The following PGAM5 variants were observed in gnomAD, a reference collection of about 807,000 sequenced individuals.
PGAM5 encodes the protein PGAM family member 5, mitochondrial serine/threonine protein phosphatase.
A neutral mutation model predicts 30.6 loss-of-function variants in PGAM5; 25 were observed. That is an observed-to-expected ratio of 0.82 (90% confidence interval 0.60 to 1.14). The LOEUF (loss-of-function observed/expected upper bound fraction) is 1.14, where lower values mean the gene tolerates loss of function less well. Among genes scored for constraint, PGAM5 ranks in the 50% most tolerant of loss-of-function variants. PGAM5 has a pLI of 0.00. For missense variants in PGAM5, 384 were observed against 408.5 expected (o/e 0.94, Z 0.52); for synonymous variants, 201 against 179.1 (o/e 1.12, Z -0.98).
At chr12:132,715,148 G>C (rs754255513) in intron 2 of PGAM5, 112 bp downstream of exon 2, 258 of 1,189,500 alleles carry the variant, frequency 2.2e-4, no homozygotes, top group Non-Finnish European at 2.8e-4. Flanking sequence ...GACCCCCTTG[G>C]TCAGCTTTCT....
At chr12:132,716,914 C>T (rs1417759003) in intron 2 of PGAM5, among the ~76,000 whole-genome samples, 1 of 152,216 alleles carries the variant, frequency 6.6e-6, no homozygotes, top group Non-Finnish European at 1.5e-5. Flanking sequence ...CTTCGGCCTT[C>T]CTGAGGCGTT....
chr12:132,714,697 G>A, intron 1 of PGAM5, 161 bp from the exon 2 acceptor site: 1 of 696,522 alleles, frequency 1.4e-6, no homozygotes, highest in Admixed American at 2.9e-5. Context: ...GAGGGAGAGT[G>A]GCGGTATGCT....
chr12:132,717,886 GGCCGT>G, intron 4 of PGAM5, 88 bp downstream of exon 4: 1 of 1,596,628 alleles, frequency 6.3e-7, no homozygotes, highest in Non-Finnish European at 8.5e-7. Context: ...CCACGTGCCC[GGCCGT>G]CCCACGGGCT....
At chr12:132,717,915 AT>A in intron 4 of PGAM5, 71 bp from the exon 5 acceptor site, 2 of 1,601,810 alleles carry the variant, frequency 1.2e-6, no homozygotes, top group Non-Finnish European at 1.7e-6. Flanking sequence ...CCGGGCGGCG[AT>A]GGGGTCTGTC....
rs1022074011 is a variant in PGAM5, at chr12:132,710,999, G to A, written c.123G>A (p.Pro41=). Residue 41 remains proline (P), a synonymous_variant, in exon 1 of 6, where the codon CCG becomes CCA. Transcript: ENST00000498926. The part of the protein sequence containing the change: ...PRAGGDAEPR[P]AEPPAWAGGA... Reference sequence around the variant, plus strand: ...CAGGCGGGGACGCGGAGCCACGCCCGGCTGAGCCGCCGGCCTGGGCGGGGG... The same window carrying A: ...CAGGCGGGGACGCGGAGCCACGCCCAGCTGAGCCGCCGGCCTGGGCGGGGG... The A allele has an allele frequency of 5.0e-6, 6 of 1,206,460 alleles. No individual in the cohort carries two copies. In the African/African-American group the frequency reaches 9.5e-5, roughly 19 times the overall value. The allele number at this position is 1,206,460 out of a possible 1,614,324, so 74.7% of individuals were successfully genotyped here.
intron 2 of PGAM5, among the ~76,000 whole-genome samples, chr12:132,715,368 C>T (rs1321741121): frequency 9.3e-5 from 14 of 150,218 alleles, no homozygotes; most frequent in African/African-American, 2.7e-4. Flanking sequence ...GTCAGGAATT[C>T]GAGACCAGCC....
At chr12:132,720,339 G>C (rs1336350529) in intron 5 of PGAM5, among the ~76,000 whole-genome samples, 3 of 146,352 alleles carry the variant, frequency 2.0e-5, no homozygotes, top group Admixed American at 6.9e-5. Context: ...ACAGAATCTC[G>C]CTCTGTCACC....
At chr12:132,715,084 C>T in intron 2 of PGAM5, 48 bp downstream of exon 2, 1 of 1,461,136 alleles carries the variant, frequency 6.8e-7, no homozygotes, top group Admixed American at 2.3e-5. Context: ...GTTATGTGGC[C>T]AGGTGCATAT....
At position 132,711,044 on chromosome 12, in the gene PGAM5, T is replaced by C; in HGVS notation, c.168T>C (p.Gly56=). ...CGGGGGGCGCGCGGCCGGGCCCCGG[T>C]GTCTGGGACCCCAACTGGGACAGGT... ...AWAGGARPGP[G]VWDPNWDRRE... Residue 56 remains glycine, a synonymous_variant, in exon 1 of 6, where the codon GGT becomes GGC. Coordinates refer to ENST00000498926, the MANE Select transcript of PGAM5 (RefSeq NM_001170543.2). 8.3e-7 allele frequency: 1 copy of C among 1,209,632 alleles called. No homozygotes were observed. 74.9% of individuals were successfully genotyped at this position (1,209,632 alleles called of 1,614,324 possible). A position where few individuals can be genotyped will look rare whatever the true frequency, so the allele number is the denominator to read the frequency against.
Position 132,717,503 on chromosome 12 carries a change from C to T in PGAM5, c.435C>T (p.Ile145=), listed in dbSNP as rs770556148. The T allele has an allele frequency of 1.9e-6, 3 of 1,610,812 alleles. No homozygotes were observed. The highest frequency in any genetic ancestry group is 2.2e-5 in the East Asian group (1 of 44,866). The change falls in exon 3 of 6, where the codon ATC becomes ATT. Residue 145 remains isoleucine (I), a synonymous_variant. Coordinates refer to ENST00000498926, the MANE Select transcript of PGAM5 (RefSeq NM_001170543.2). ...LASLGLKFNK[I]VHSSMTRAIE... is the part of the protein sequence containing the mutation. ...GCTTGGGGTTGAAGTTTAATAAAAT[C>T]GTCCATTCGTCTATGACGCGCGCCA...
At chr12:132,716,373 C>T (rs968669190) in intron 2 of PGAM5, among the ~76,000 whole-genome samples, 6 of 152,048 alleles carry the variant, frequency 3.9e-5, no homozygotes, top group Non-Finnish European at 7.4e-5. Flanking sequence ...GCGTGAGCCA[C>T]CACACCCAGC....
intron 5 of PGAM5, 102 bp downstream of exon 5, chr12:132,718,222 C>G (rs1239528335): frequency 4.1e-6 from 6 of 1,460,244 alleles, no homozygotes; most frequent in Admixed American, 2.0e-5. Flanking sequence ...CCGATGCCAC[C>G]CTAGTCAGGC....
chr12:132,717,015 T>C (rs1341031318), intron 2 of PGAM5, among the ~76,000 whole-genome samples: 1 of 152,194 alleles, frequency 6.6e-6, no homozygotes, highest in Non-Finnish European at 1.5e-5. Context: ...GGTCCCGCTG[T>C]GTTGGCCTCC....
At chr12:132,711,201 G>A in intron 1 of PGAM5, 134 bp downstream of exon 1, 1 of 703,962 alleles carries the variant, frequency 1.4e-6, no homozygotes, top group African/African-American at 1.9e-5. Context: ...TTTCCCCAGC[G>A]GAGGAGCCGC....
chr12:132,711,609 C>G (rs1301305292), intron 1 of PGAM5: 1 of 151,954 alleles, frequency 6.6e-6, no homozygotes, highest in African/African-American at 2.4e-5. Context: ...TAGTGAGACC[C>G]CCATCTCTAC....
chr12:132,718,734 T>A, intron 5 of PGAM5: 1 of 1,612,776 alleles, frequency 6.2e-7, no homozygotes, highest in South Asian at 1.1e-5. Flanking sequence ...CCAACCACCT[T>A]CTGCCTCCGG....
chr12:132,719,564 GCCA>G (rs1215345333), intron 5 of PGAM5, among the ~76,000 whole-genome samples: 1 of 152,220 alleles, frequency 6.6e-6, no homozygotes, highest in Non-Finnish European at 1.5e-5. Flanking sequence ...CTTCTATGCT[GCCA>G]CCACCACCTT....
Position 132,720,698 on chromosome 12 carries a change from A to T in PGAM5, c.740A>T (p.Glu247Val), listed in dbSNP as rs2043635625. ...IVCRALQFPP[E>V]GWLRLSLNNG... ...CCCAGAGCACTGCAGTTTCCTCCTG[A>T]AGGCTGGCTCCGGCTCTCCCTCAAT... Residue 247 changes from glutamate (E) to valine (V), a missense_variant, in exon 6 of 6, where the codon GAA becomes GTA. Transcript: ENST00000498926. 1 of 1,535,762 alleles carries T rather than the reference A, an allele frequency of 6.5e-7. No individual in the cohort carries two copies. Among genetic ancestry groups the T allele is most frequent in the Non-Finnish European group, 8.7e-7 (1 of 1,146,680 alleles).
At chr12:132,717,624 C>T (rs1593120096) in intron 3 of PGAM5, 60 bp downstream of exon 3, 13 of 1,595,902 alleles carry the variant, frequency 8.1e-6, no homozygotes, top group South Asian at 3.3e-5. Context: ...GGCAGGGCCC[C>T]GGCCTGAGCT....
Sources: allele counts gnomAD v4.1 joint callset (sites outside exome capture counted in the v4.1 genomes callset), GRCh38; gene constraint gnomAD v4.1.1; transcripts MANE v1.5; gene names NCBI Gene and HGNC (gene_info 2026-07-23, HGNC 2026-07-21).